IKBKB: variants seen among roughly 807,000 people sequenced by gnomAD.
IKBKB encodes inhibitor of nuclear factor kappa B kinase subunit beta.
Under a neutral mutation model 113.6 loss-of-function variants are expected in IKBKB, and 42 were observed. That is an observed-to-expected ratio of 0.37 (90% CI 0.29 to 0.48). The LOEUF is 0.48. Ranked by LOEUF, IKBKB falls within the 20% of genes least tolerant of loss-of-function variation. The pLI, the probability that IKBKB is intolerant of heterozygous loss-of-function variation, is 0.99. For synonymous variants in IKBKB, 296 were observed against 361.3 expected (o/e 0.82, Z 2.05); for missense variants, 673 against 939.7 (o/e 0.72, Z 3.71).
chr8:42,326,542 G>T, intron 20 of IKBKB: 1 of 159,372 alleles, frequency 6.3e-6, no homozygotes, highest in Non-Finnish European at 1.4e-5. Context: ...GCAGAGGTGG[G>T]GGCAGGGCTT....
At chr8:42,319,147 A>T in intron 13 of IKBKB, 123 bp from the exon 14 acceptor site, 1 of 847,628 alleles carries the variant, frequency 1.2e-6, no homozygotes, top group Non-Finnish European at 1.9e-6. Flanking sequence ...CTATAATAAT[A>T]GTGATGATGA....
In IKBKB at chr8:42,271,381, G is replaced by T. The variant is rs201028246; in HGVS notation, c.-107G>T. On this transcript the variant is annotated 5_prime_UTR_variant, in exon 1 of 22. Transcript: ENST00000520810. ...GATTCCCGCATTTTAATGTTTTCAG[G>T]GGGGTGTCATAGCCCCGGGTTTGGC... 4.0e-6 allele frequency: 6 copies of T among 1,510,174 alleles called. No homozygotes were observed. The highest frequency in any genetic ancestry group is 4.9e-5 in the East Asian group (2 of 40,686). The allele number at this position is 1,510,174 out of a possible 1,614,324, so 93.5% of individuals were successfully genotyped here.
chr8:42,320,930 TG>T, intron 16 of IKBKB, 86 bp downstream of exon 16: 1 of 782,404 alleles, frequency 1.3e-6, no homozygotes, highest in South Asian at 1.7e-5. Flanking sequence ...GCACCCTCAG[TG>T]GCTGTGCGGG....
intron 2 of IKBKB, 138 bp from the exon 3 acceptor site, chr8:42,288,496 G>T: frequency 1.7e-6 from 1 of 588,620 alleles, no homozygotes; most frequent in Non-Finnish European, 3.0e-6. Context: ...CTGTCGATCA[G>T]GGTGTACATG....
chr8:42,271,861 G>T, intron 1 of IKBKB: 1 of 574,386 alleles, frequency 1.7e-6, no homozygotes, highest in Non-Finnish European at 3.0e-6. Context: ...TTTCTTCCTT[G>T]CCTGATGCCA....
At position 42,310,045 on chromosome 8, in the gene IKBKB, A is replaced by G. The variant is rs191868941; in HGVS notation, c.692+1020A>G. 4.1e-4 allele frequency among the ~76,000 whole-genome samples: 63 copies of G among 152,364 alleles called. 2 individuals are homozygous for G. The East Asian group carries it at 0.012, about 28-fold the overall frequency. ...GTACATCATGTTGTACAGGATAAAT[A>G]TAGACCATTTTTATTTGTCAGTTTA... On this transcript the variant is annotated intron_variant, in intron 8 of 21. Transcript: ENST00000520810.
chr8:42,322,608 C>T, intron 19 of IKBKB, 114 bp downstream of exon 19: 1 of 1,083,798 alleles, frequency 9.2e-7, no homozygotes. Flanking sequence ...GCAGCCCACT[C>T]AGCTGCTGCT....
chr8:42,321,818 C>T, intron 16 of IKBKB, 78 bp from the exon 17 acceptor site: 1 of 1,045,868 alleles, frequency 9.6e-7, no homozygotes, highest in Non-Finnish European at 1.4e-6. Flanking sequence ...CATGGTGAAA[C>T]TCTACCTCTA....
chr8:42,276,927 T>G (rs1213747388), intron 2 of IKBKB, among the ~76,000 whole-genome samples: 1 of 142,388 alleles, frequency 7.0e-6, no homozygotes, highest in Non-Finnish European at 1.5e-5. Flanking sequence ...AGTGCAGTGG[T>G]GTGATCTCGG....
chr8:42,290,065 C>G, intron 3 of IKBKB, 91 bp from the exon 4 acceptor site: 1 of 895,332 alleles, frequency 1.1e-6, no homozygotes, highest in South Asian at 1.4e-5. Context: ...CTGGGTTATC[C>G]TGGGCCTTTG....
intron 19 of IKBKB, chr8:42,324,732 C>A: frequency 6.5e-6 from 1 of 152,866 alleles, no homozygotes. Flanking sequence ...AAGGGCCGCT[C>A]AGCAAGGCTG....
At chr8:42,284,862 T>TC (rs1362480388) in intron 2 of IKBKB, among the ~76,000 whole-genome samples, 1 of 145,850 alleles carries the variant, frequency 6.9e-6, no homozygotes, top group Non-Finnish European at 1.5e-5. Flanking sequence ...CTTTTTTTTT[T>TC]TTTTTTTTTT....
At chr8:42,295,992 A>G (rs1338426787) in intron 5 of IKBKB, among the ~76,000 whole-genome samples, 6 of 152,128 alleles carry the variant, frequency 3.9e-5, no homozygotes, top group African/African-American at 9.7e-5. Flanking sequence ...CTTGTGTGCT[A>G]TAGGTCTCCT....
chr8:42,331,085 G>A lies in IKBKB; in HGVS notation c.*106G>A, dbSNP rs1198293731. The A allele has an allele frequency of 1.5e-5, 24 of 1,553,174 alleles. No homozygotes were observed. Among genetic ancestry groups the A allele is most frequent in the Admixed American group, 5.3e-5 (3 of 56,358 alleles). Reference sequence around the variant, plus strand: ...GGCTGCCTGGAGCAGGCCGCGTGACGTGGGGCTGCCTGGCCGCGGCTCTCA... The same window carrying A: ...GGCTGCCTGGAGCAGGCCGCGTGACATGGGGCTGCCTGGCCGCGGCTCTCA... On this transcript the variant is annotated 3_prime_UTR_variant, in exon 22 of 22. Transcript: ENST00000520810.
At chr8:42,310,126 A>G (rs1817431098) in intron 8 of IKBKB, among the ~76,000 whole-genome samples, 2 of 152,260 alleles carry the variant, frequency 1.3e-5, no homozygotes, top group South Asian at 4.1e-4. Context: ...GAAAGCCATA[A>G]TTTAAAAATG....
intron 3 of IKBKB, among the ~76,000 whole-genome samples, chr8:42,289,697 C>T (rs1393383378): frequency 6.6e-6 from 1 of 152,194 alleles, no homozygotes; most frequent in African/African-American, 2.4e-5. Context: ...TTCTCAGACC[C>T]TTCTCTGTGT....
At chr8:42,329,489 A>AT (rs1394655285) in intron 21 of IKBKB, 12 of 853,448 alleles carry the variant, frequency 1.4e-5, no homozygotes, top group Middle Eastern at 6.0e-4. Flanking sequence ...CATTCAGCTG[A>AT]TTTTTTCAGT....
intron 4 of IKBKB, among the ~76,000 whole-genome samples, chr8:42,290,564 G>T (rs920038542): frequency 6.6e-6 from 1 of 152,174 alleles, no homozygotes; most frequent in Non-Finnish European, 1.5e-5. Flanking sequence ...CTGGGCGTGG[G>T]GAAGGACTGG....
chr8:42,298,382 G>T, intron 5 of IKBKB: 1 of 985,284 alleles, frequency 1.0e-6, no homozygotes, highest in African/African-American at 1.7e-5. Context: ...CTTCCTTCTC[G>T]AGCTGCTCCT....
Sources: gnomAD v4.1 joint callset for allele counts (sites outside exome capture counted in the v4.1 genomes callset) on GRCh38, gnomAD v4.1.1 for gene constraint, MANE v1.5 for transcripts, NCBI Gene and HGNC (gene_info 2026-07-23, HGNC 2026-07-21) for gene names.